The following NAALADL2 variants were observed in gnomAD, a reference collection of about 807,000 sequenced individuals.
The protein encoded by NAALADL2 is N-acetylated alpha-linked acidic dipeptidase like 2.
Under a neutral mutation model 87.2 loss-of-function variants are expected in NAALADL2, and 76 were observed. That is an observed-to-expected ratio of 0.87 (90% CI 0.72 to 1.05). The LOEUF (loss-of-function observed/expected upper bound fraction) is 1.05, where lower values mean the gene tolerates loss of function less well. NAALADL2 is among the 50% of genes least tolerant of loss of function. NAALADL2 has a pLI of 0.00. For missense variants in NAALADL2, 1,089 were observed against 945.8 expected (o/e 1.15, Z -1.99); for synonymous variants, 354 against 331.0 (o/e 1.07, Z -0.75).
chr3:174,955,934 G>C (rs1194526109), intron 1 of NAALADL2, among the ~76,000 whole-genome samples: 1 of 152,048 alleles, frequency 6.6e-6, no homozygotes, highest in African/African-American at 2.4e-5. Context: ...ATTTGTTCCA[G>C]TTATTCCGGG....
rs1453678784 is a variant in NAALADL2 at position 175,054,184 on chromosome 3, T to C, written c.44-42606T>C. Among the ~76,000 whole-genome samples, 3 of 152,324 alleles carry C rather than the reference T, an allele frequency of 2.0e-5. No homozygotes were observed. The East Asian group carries it at 5.8e-4, about 29-fold the overall frequency. ...AAGCTCCGCTTTTTGAGCTGAAGTA[T>C]AGGGCATCTGGAAAACTTTACTTTT... On this transcript the variant is annotated intron_variant, in intron 1 of 13. Transcript: ENST00000454872.
intron 1 of NAALADL2, among the ~76,000 whole-genome samples, chr3:174,917,859 C>T (rs79142996): frequency 0.01 from 1,556 of 151,980 alleles, 28 homozygotes; most frequent in African/African-American, 0.036. Context: ...TCATTTTCAT[C>T]ACAATTTTCT....
At chr3:174,852,757 G>A (rs766583691) in intron 3 of NAALADL2, among the ~76,000 whole-genome samples, 2 of 152,014 alleles carry the variant, frequency 1.3e-5, no homozygotes, top group Non-Finnish European at 2.9e-5. Context: ...AATAGCCAAA[G>A]CTATCCTGAT....
intron 1 of NAALADL2, among the ~76,000 whole-genome samples, chr3:174,961,807 T>C (rs1406198600): frequency 2.0e-5 from 3 of 152,074 alleles, no homozygotes; most frequent in Admixed American, 6.6e-5. Flanking sequence ...GTTAAACTTA[T>C]ATAACATTTG....
rs1323066455 is a variant in NAALADL2 at position 174,828,943 on chromosome 3, A to G, written c.-9+91197A>G. On this transcript the variant is annotated intron_variant, in intron 3 of 3. Transcript: ENST00000434257. ...GGAAATACTTCAAAAATTGTGTATT[A>G]TAATATTTTGTGAAGCTTGTAACAA... 2.0e-5 allele frequency among the ~76,000 whole-genome samples: 3 copies of G among 152,226 alleles called. No individual in the cohort carries two copies. In the East Asian group the frequency reaches 5.8e-4, roughly 29 times the overall value.
intron 5 of NAALADL2, among the ~76,000 whole-genome samples, chr3:175,388,342 C>T (rs911918716): frequency 6.6e-6 from 1 of 152,042 alleles, no homozygotes; most frequent in African/African-American, 2.4e-5. Context: ...TATCTCCTGT[C>T]TTAGTTTAAA....
At chr3:174,768,880 T>A (rs1714182323) in intron 3 of NAALADL2, among the ~76,000 whole-genome samples, 1 of 152,190 alleles carries the variant, frequency 6.6e-6, no homozygotes, top group African/African-American at 2.4e-5. Context: ...CCACTGATTT[T>A]TTAAGTCCTT....
intron 2 of NAALADL2, among the ~76,000 whole-genome samples, chr3:174,585,908 AT>A (rs1716661734): frequency 6.6e-6 from 1 of 152,146 alleles, no homozygotes; most frequent in South Asian, 2.1e-4. Context: ...TGGGCAAGTT[AT>A]TTACCTGCCC....
chr3:175,194,797 A>G (rs1185320362), intron 2 of NAALADL2, among the ~76,000 whole-genome samples: 2 of 151,724 alleles, frequency 1.3e-5, no homozygotes, highest in Admixed American at 6.6e-5. Context: ...TTTTCTATTT[A>G]AGGAACCACA....
chr3:175,795,037 A>G (rs146129479), intron 13 of NAALADL2, among the ~76,000 whole-genome samples: 73 of 152,214 alleles, frequency 4.8e-4, no homozygotes, highest in Admixed American at 1.4e-3. Flanking sequence ...CTCTTCATAT[A>G]AAGGCACTAA....
chr3:175,215,088 G>A (rs1295775829), intron 2 of NAALADL2, among the ~76,000 whole-genome samples: 2 of 152,060 alleles, frequency 1.3e-5, no homozygotes, highest in African/African-American at 4.8e-5. Flanking sequence ...TCTACAAGTA[G>A]TAAAATCACC....
chr3:175,450,201 C>T (rs1721359310), intron 6 of NAALADL2, among the ~76,000 whole-genome samples: 1 of 151,792 alleles, frequency 6.6e-6, no homozygotes, highest in Non-Finnish European at 1.5e-5. Context: ...CTCATAGATA[C>T]TATAAAATGC....
chr3:174,854,480 G>C (rs79348538), upstream of NAALADL2, among the ~76,000 whole-genome samples: 3 of 152,058 alleles, frequency 2.0e-5, no homozygotes. Context: ...GCACAATAGG[G>C]TGACAATGGT....
chr3:175,697,664 G>C (rs554971403), intron 11 of NAALADL2, among the ~76,000 whole-genome samples: 1 of 150,718 alleles, frequency 6.6e-6, no homozygotes, highest in African/African-American at 2.4e-5. Flanking sequence ...CATTATGATT[G>C]TCCCAAAGTT....
intron 1 of NAALADL2, among the ~76,000 whole-genome samples, chr3:174,983,150 A>G (rs1745355760): frequency 6.6e-6 from 1 of 152,196 alleles, no homozygotes; most frequent in African/African-American, 2.4e-5. Flanking sequence ...CATCCTACAC[A>G]GGGTCACATA....
chr3:175,247,614 T>C (rs983601590), intron 3 of NAALADL2, among the ~76,000 whole-genome samples: 11 of 152,176 alleles, frequency 7.2e-5, no homozygotes, highest in Admixed American at 5.9e-4. Flanking sequence ...TGGAGAGTAA[T>C]AGGCAGGACC....
intron 2 of NAALADL2, among the ~76,000 whole-genome samples, chr3:174,659,348 A>G (rs1725289002): frequency 6.6e-6 from 1 of 152,220 alleles, no homozygotes. Context: ...GTATGAATAT[A>G]TTAGAAATGT....
At position 175,608,194 on chromosome 3, in the gene NAALADL2, T is replaced by C. The variant is rs1724054052; in HGVS notation, c.1801-19097T>C. Reference sequence around the variant, plus strand: ...AATGACATCTGTGGGACATGGCATTTAATTTTGAATAAATTAGCCCATAGT... The same window carrying C: ...AATGACATCTGTGGGACATGGCATTCAATTTTGAATAAATTAGCCCATAGT... On this transcript the variant is annotated intron_variant, in intron 10 of 13. Transcript: ENST00000454872. Among the ~76,000 whole-genome samples the C allele has an allele frequency of 2.0e-5, 3 of 149,126 alleles. No homozygotes were observed. The South Asian group carries it at 6.7e-4, about 33-fold the overall frequency.
At chr3:175,402,524 G>A (rs1711514588) in intron 5 of NAALADL2, among the ~76,000 whole-genome samples, 1 of 151,960 alleles carries the variant, frequency 6.6e-6, no homozygotes, top group South Asian at 2.1e-4. Flanking sequence ...TCTGAGTCTT[G>A]CTTACCTCCA....
Sources: allele counts gnomAD v4.1 joint callset (sites outside exome capture counted in the v4.1 genomes callset), GRCh38; gene constraint gnomAD v4.1.1; transcripts MANE v1.5; gene names NCBI Gene and HGNC (gene_info 2026-07-23, HGNC 2026-07-21).